ADGRV1: variants seen among roughly 807,000 people sequenced by gnomAD.
ADGRV1 encodes the protein G-protein coupled receptor 98.
A neutral mutation model predicts 596.2 loss-of-function variants in ADGRV1; 359 were observed. The observed-to-expected ratio is 0.60, with a 90% CI of 0.55 to 0.66. The LOEUF (loss-of-function observed/expected upper bound fraction) is 0.66. Ranked by LOEUF, ADGRV1 falls within the 30% of genes least tolerant of loss-of-function variation. ADGRV1 has a pLI of 0.00. For synonymous variants in ADGRV1, 2,681 were observed against 2,679.2 expected, an observed-to-expected ratio of 1.00 and a Z score of -0.02; for missense variants, 7,274 against 7,575.6, an observed-to-expected ratio of 0.96 and a Z score of 1.48.
chr5:91,016,597 A>G (rs1420698734), intron 85 of ADGRV1, among the ~76,000 whole-genome samples: 1 of 152,000 alleles, frequency 6.6e-6, no homozygotes, highest in Non-Finnish European at 1.5e-5. Context: ...TAAGCCTACC[A>G]AAGGTCAGAT....
intron 83 of ADGRV1, among the ~76,000 whole-genome samples, chr5:90,956,297 A>G (rs750831184): frequency 2.0e-5 from 3 of 152,176 alleles, no homozygotes; most frequent in Non-Finnish European, 4.4e-5. Flanking sequence ...CCATGTATCC[A>G]CTACCAAAAT....
chr5:91,023,859 T>A (rs1169871395), intron 85 of ADGRV1, among the ~76,000 whole-genome samples: 1 of 152,148 alleles, frequency 6.6e-6, no homozygotes, highest in Non-Finnish European at 1.5e-5. Flanking sequence ...AGGACCTAAA[T>A]GTAATAACTA....
chr5:90,997,421 T>G (rs2151094457), intron 85 of ADGRV1, among the ~76,000 whole-genome samples: 1 of 152,272 alleles, frequency 6.6e-6, no homozygotes, highest in East Asian at 1.9e-4. Flanking sequence ...TCCTTCCTCT[T>G]CACCTTCTGC....
chr5:91,025,235 A>G (rs1783929602), intron 85 of ADGRV1, among the ~76,000 whole-genome samples: 1 of 152,090 alleles, frequency 6.6e-6, no homozygotes, highest in South Asian at 2.1e-4. Context: ...CTCCTCCCCC[A>G]TGCAGAATAT....
At chr5:90,813,049 C>G (rs546468848) in intron 74 of ADGRV1, among the ~76,000 whole-genome samples, 2 of 138,638 alleles carry the variant, frequency 1.4e-5, no homozygotes, top group African/African-American at 5.6e-5. Flanking sequence ...AGGAGAATGG[C>G]GTGAACCTGG....
At chr5:90,772,473 C>G (rs1475486249) in intron 59 of ADGRV1, among the ~76,000 whole-genome samples, 3 of 152,098 alleles carry the variant, frequency 2.0e-5, no homozygotes, top group African/African-American at 7.2e-5. Flanking sequence ...TATGGCGTTC[C>G]TAAGCACAAG....
At chr5:90,964,891 G>A (rs1482944352) in intron 83 of ADGRV1, among the ~76,000 whole-genome samples, 1 of 152,144 alleles carries the variant, frequency 6.6e-6, no homozygotes, top group African/African-American at 2.4e-5. Flanking sequence ...TTTGAACAAA[G>A]GCTTGAAGGC....
intron 72 of ADGRV1, among the ~76,000 whole-genome samples, chr5:90,806,638 C>T (rs1286127446): frequency 6.6e-6 from 1 of 152,016 alleles, no homozygotes; most frequent in African/African-American, 2.4e-5. Context: ...AGTGTATATG[C>T]GGCTTTGTGC....
At chr5:91,051,789 G>T (rs1040309174) in intron 85 of ADGRV1, among the ~76,000 whole-genome samples, 8 of 151,798 alleles carry the variant, frequency 5.3e-5, no homozygotes, top group African/African-American at 1.9e-4. Context: ...GGATATTTTT[G>T]ACTTAAAATG....
intron 10 of ADGRV1, among the ~76,000 whole-genome samples, chr5:90,636,794 T>G (rs78277883): frequency 6.8e-6 from 1 of 147,182 alleles, no homozygotes; most frequent in South Asian, 2.1e-4. Context: ...AAATGTCTTG[T>G]TTTTTTTTTT....
At chr5:91,059,575 A>T (rs984305835) in intron 85 of ADGRV1, among the ~76,000 whole-genome samples, 26 of 152,160 alleles carry the variant, frequency 1.7e-4, no homozygotes, top group African/African-American at 6.0e-4. Context: ...TCAAATTGGG[A>T]CTTTTAAAAT....
intron 83 of ADGRV1, among the ~76,000 whole-genome samples, chr5:90,915,949 C>T (rs1773313326): frequency 6.6e-6 from 1 of 152,006 alleles, no homozygotes; most frequent in Admixed American, 6.5e-5. Context: ...TTTTTGATCC[C>T]CTTATATTTA....
chr5:90,820,001 A>G (rs1336247310), intron 75 of ADGRV1, among the ~76,000 whole-genome samples: 8 of 150,220 alleles, frequency 5.3e-5, no homozygotes, highest in Non-Finnish European at 9.0e-5. Flanking sequence ...GATCTGTCTA[A>G]TGTTGACAGT....
At chr5:90,573,648 C>T (rs75647854) in intron 1 of ADGRV1, among the ~76,000 whole-genome samples, 16,649 of 152,116 alleles carry the variant, frequency 0.11, 1,093 homozygotes, top group East Asian at 0.23. Flanking sequence ...CAGTCTATGA[C>T]TGTATGTTGG....
intron 85 of ADGRV1, among the ~76,000 whole-genome samples, chr5:91,059,239 A>G (rs775722964): frequency 1.3e-5 from 2 of 152,010 alleles, no homozygotes; most frequent in Non-Finnish European, 2.9e-5. Context: ...TGTTTTCCCT[A>G]TTTTATTTTT....
At chr5:91,009,392 T>C (rs1263701475) in intron 85 of ADGRV1, among the ~76,000 whole-genome samples, 1 of 152,222 alleles carries the variant, frequency 6.6e-6, no homozygotes, top group Admixed American at 6.5e-5. Context: ...TTGGAGACAA[T>C]TGAAACAAGA....
intron 52 of ADGRV1, among the ~76,000 whole-genome samples, chr5:90,749,046 G>T (rs1413974983): frequency 2.0e-5 from 3 of 152,154 alleles, no homozygotes; most frequent in African/African-American, 7.2e-5. Context: ...GCTCTGCTGT[G>T]TGGTTCCATC....
chr5:90,792,557 A>G (rs966289415), intron 70 of ADGRV1: 15 of 152,184 alleles, frequency 9.9e-5, no homozygotes, highest in African/African-American at 3.4e-4. Flanking sequence ...CTGCAGCTTT[A>G]AGTGAAATGA....
intron 83 of ADGRV1, among the ~76,000 whole-genome samples, chr5:90,954,531 A>G (rs1777311160): frequency 1.3e-5 from 2 of 152,168 alleles, no homozygotes; most frequent in African/African-American, 4.8e-5. Context: ...ACTGCCTTTC[A>G]ACATCTTTAC....
Sources: allele counts gnomAD v4.1 joint callset (sites outside exome capture counted in the v4.1 genomes callset), GRCh38; gene constraint gnomAD v4.1.1; transcripts MANE v1.5; gene names NCBI Gene and HGNC (gene_info 2026-07-23, HGNC 2026-07-21).